The following NREP variants were observed in gnomAD, a reference collection of about 807,000 sequenced individuals.
The protein encoded by NREP is neuronal regeneration related protein, also known as neuronal regeneration-related protein.
NREP carries 5 observed loss-of-function variants against 8.6 expected under a neutral mutation model. The observed-to-expected ratio is 0.58, with a 90% CI of 0.30 to 1.22. The LOEUF (loss-of-function observed/expected upper bound fraction) is 1.22. Among genes scored for constraint, NREP ranks in the 50% most tolerant of loss-of-function variants. The probability of loss-of-function intolerance (pLI) is 0.07; values close to 1 mark genes in which losing one functional copy is unlikely to be tolerated. For missense variants in NREP, 86 were observed against 82.5 expected (o/e 1.04, Z -0.17); for synonymous variants, 27 against 28.0 (o/e 0.96, Z 0.11).
At chr5:111,958,942 A>T (rs1031407265) in intron 2 of NREP, among the ~76,000 whole-genome samples, 1 of 151,996 alleles carries the variant, frequency 6.6e-6, no homozygotes, top group Non-Finnish European at 1.5e-5. Context: ...GAGACAGAAT[A>T]GATAGCCTTA....
intron 2 of NREP, among the ~76,000 whole-genome samples, chr5:111,909,991 A>T (rs1012327412): frequency 6.6e-6 from 1 of 152,094 alleles, no homozygotes; most frequent in African/African-American, 2.4e-5. Context: ...CTTTCTTTTC[A>T]TGTAAAAGAC....
intron 2 of NREP, among the ~76,000 whole-genome samples, chr5:111,966,734 G>A (rs1240127537): frequency 6.6e-6 from 1 of 152,126 alleles, no homozygotes; most frequent in African/African-American, 2.4e-5. Flanking sequence ...ATATACTTAA[G>A]CATTTATTTA....
chr5:111,968,091 A>C (rs568021246), intron 2 of NREP, among the ~76,000 whole-genome samples: 35 of 152,308 alleles, frequency 2.3e-4, no homozygotes, highest in Non-Finnish European at 3.8e-4. Flanking sequence ...CTTTTCAAGC[A>C]AAAACATTTC....
chr5:111,945,115 C>G (rs1412433467), intron 2 of NREP, among the ~76,000 whole-genome samples: 1 of 152,082 alleles, frequency 6.6e-6, no homozygotes, highest in Non-Finnish European at 1.5e-5. Flanking sequence ...TCTTCACGCA[C>G]TCACTTCATT....
At chr5:111,906,972 T>C (rs1581207769) in intron 2 of NREP, among the ~76,000 whole-genome samples, 1 of 152,106 alleles carries the variant, frequency 6.6e-6, no homozygotes, top group Non-Finnish European at 1.5e-5. Context: ...TTTCGTGTTG[T>C]TGTCCAGACA....
chr5:111,768,707 G>A (rs1456528498), intron 2 of NREP, among the ~76,000 whole-genome samples: 1 of 152,110 alleles, frequency 6.6e-6, no homozygotes, highest in Non-Finnish European at 1.5e-5. Context: ...CATTTTTTAT[G>A]GCTGTGTAGT....
chr5:111,731,152 A>C, intron 3 of NREP, 106 bp from the exon 4 acceptor site: 1 of 1,214,852 alleles, frequency 8.2e-7, no homozygotes, highest in African/African-American at 1.5e-5. Context: ...CCCAGCCCAC[A>C]TTATACCCTT....
At chr5:111,912,260 G>C (rs565713598) in intron 2 of NREP, among the ~76,000 whole-genome samples, 1 of 151,916 alleles carries the variant, frequency 6.6e-6, no homozygotes, top group East Asian at 1.9e-4. Context: ...GAATGGTGTG[G>C]CTTCCGTAAG....
At chr5:111,793,635 C>G (rs1751804900) in intron 2 of NREP, among the ~76,000 whole-genome samples, 1 of 152,162 alleles carries the variant, frequency 6.6e-6, no homozygotes. Context: ...GCTTTACCAG[C>G]TAACTGGGCA....
intron 2 of NREP, among the ~76,000 whole-genome samples, chr5:111,870,848 G>A: frequency 7.2e-6 from 1 of 139,492 alleles, no homozygotes; most frequent in Non-Finnish European, 1.6e-5. Flanking sequence ...AGACATGCAA[G>A]AATTTTACCC....
intron 2 of NREP, among the ~76,000 whole-genome samples, chr5:111,862,897 G>A (rs1385102456): frequency 2.7e-5 from 4 of 150,482 alleles, no homozygotes; most frequent in Admixed American, 2.0e-4. Context: ...GAAAAAGGAG[G>A]GTGACACAAG....
intron 2 of NREP, among the ~76,000 whole-genome samples, chr5:111,883,889 C>A (rs1395839559): frequency 1.3e-5 from 2 of 152,082 alleles, no homozygotes; most frequent in Admixed American, 6.5e-5. Context: ...CTAAAATTCA[C>A]ACCCTGACAT....
At chr5:111,860,619 A>C (rs1753524296) in intron 2 of NREP, among the ~76,000 whole-genome samples, 1 of 152,160 alleles carries the variant, frequency 6.6e-6, no homozygotes, top group Non-Finnish European at 1.5e-5. Context: ...TACCCAAAGG[A>C]AATTTCTTTG....
chr5:111,887,776 T>C (rs182158767), intron 2 of NREP, among the ~76,000 whole-genome samples: 6 of 152,358 alleles, frequency 3.9e-5, no homozygotes, highest in Admixed American at 1.3e-4. Flanking sequence ...TGTTGAGATG[T>C]AGGCAGACTT....
chr5:111,777,010 G>GA (rs1037311786), intron 2 of NREP, among the ~76,000 whole-genome samples: 29 of 98,606 alleles, frequency 2.9e-4, no homozygotes, highest in Admixed American at 2.8e-3. Flanking sequence ...GAGGAGGAAG[G>GA]AGGTGGAGGA....
At chr5:111,877,656 C>T (rs1753942944) in intron 2 of NREP, among the ~76,000 whole-genome samples, 1 of 152,248 alleles carries the variant, frequency 6.6e-6, no homozygotes, top group African/African-American at 2.4e-5. Context: ...AGCAACTGGA[C>T]ATGAGACAAT....
chr5:111,747,982 C>A (rs1750113138), intron 2 of NREP, among the ~76,000 whole-genome samples: 1 of 152,184 alleles, frequency 6.6e-6, no homozygotes, highest in African/African-American at 2.4e-5. Context: ...ACTGTCATGA[C>A]TGCCTCAGTC....
intron 2 of NREP, among the ~76,000 whole-genome samples, chr5:111,932,245 T>C (rs1162223631): frequency 6.6e-6 from 1 of 152,052 alleles, no homozygotes; most frequent in Non-Finnish European, 1.5e-5. Flanking sequence ...AAAATACCTA[T>C]GAGCATTTCT....
intron 2 of NREP, among the ~76,000 whole-genome samples, chr5:111,754,089 T>G (rs551546524): frequency 6.6e-6 from 1 of 152,302 alleles, no homozygotes; most frequent in East Asian, 1.9e-4. Context: ...CAAAAAGTTG[T>G]GAGAATTTTT....
Sources: gnomAD v4.1 joint callset for allele counts (sites outside exome capture counted in the v4.1 genomes callset) on GRCh38, gnomAD v4.1.1 for gene constraint, MANE v1.5 for transcripts, NCBI Gene and HGNC (gene_info 2026-07-23, HGNC 2026-07-21) for gene names.